PLEKHA7: variants seen among roughly 807,000 people sequenced by gnomAD.
The protein encoded by PLEKHA7 is pleckstrin homology domain-containing family A member 7.
A neutral mutation model predicts 170.0 loss-of-function variants in PLEKHA7; 104 were observed. The ratio of observed to expected loss-of-function variants is 0.61; its 90% CI spans 0.52 to 0.72. The LOEUF (loss-of-function observed/expected upper bound fraction) is 0.72. Ranked by LOEUF, PLEKHA7 falls within the 30% of genes least tolerant of loss-of-function variation. The pLI is 0.00. For missense variants in PLEKHA7, 1,615 were observed against 1,671.7 expected, an observed-to-expected ratio of 0.97 and a Z score of 0.59; for synonymous variants, 648 against 660.8, an observed-to-expected ratio of 0.98 and a Z score of 0.30.
intron 12 of PLEKHA7, 56 bp from the exon 13 acceptor site, chr11:16,813,222 A>G: frequency 1.3e-6 from 2 of 1,487,150 alleles, no homozygotes; most frequent in Non-Finnish European, 1.9e-6. Flanking sequence ...AGTTTCCATA[A>G]CTCGAGGTTT....
At position 16,981,300 on chromosome 11, in the gene PLEKHA7, G is replaced by A. The variant is rs190579634; in HGVS notation, c.221+32689C>T. ...AATTTAATTCTCACAATGATTCTAC[G>A]AGTAGACACTAGTATTATCCCCAAT... On this transcript the variant is annotated intron_variant, in intron 3 of 26. Coordinates refer to ENST00000531066, the MANE Select transcript of PLEKHA7 (RefSeq NM_001329630.2). Among the ~76,000 whole-genome samples, 576 of 152,172 alleles carry A rather than the reference G, an allele frequency of 3.8e-3. 7 individuals carry two copies. Among genetic ancestry groups the A allele is most frequent in the Non-Finnish European group, 3.3e-3 (225 of 68,018 alleles).
At position 16,855,013 on chromosome 11, in the gene PLEKHA7, A is replaced by C; in HGVS notation, c.418-20T>G. ...TATGATCTATGAAAAAGCAGACTGA[A>C]CTTTAGCAACAGGGAATTTAAGGTG... On this transcript the variant is annotated intron_variant, in intron 5 of 26. Transcript: ENST00000531066. 1 of 1,604,370 alleles carries C rather than the reference A, an allele frequency of 6.2e-7. No homozygotes were observed. Among genetic ancestry groups the C allele is most frequent in the Non-Finnish European group, 8.5e-7 (1 of 1,171,232 alleles).
At chr11:16,788,203 A>G (rs1849534354) in intron 23 of PLEKHA7, 1 of 152,456 alleles carries the variant, frequency 6.6e-6, no homozygotes, top group African/African-American at 2.4e-5. Flanking sequence ...GGACAAGTGA[A>G]TTATGAGTCA....
intron 3 of PLEKHA7, among the ~76,000 whole-genome samples, chr11:16,985,639 T>C (rs1027182785): frequency 1.3e-5 from 2 of 152,234 alleles, no homozygotes; most frequent in Non-Finnish European, 2.9e-5. Flanking sequence ...CATTTTAAGT[T>C]TTCTTGCTTG....
chr11:16,830,164 TG>T (rs1282663640), intron 9 of PLEKHA7, among the ~76,000 whole-genome samples: 1 of 150,306 alleles, frequency 6.7e-6, no homozygotes, highest in Non-Finnish European at 1.5e-5. Flanking sequence ...TTTTTTTTTT[TG>T]TAGAGACAAG....
At chr11:16,914,038 T>C (rs546246479) in intron 3 of PLEKHA7, among the ~76,000 whole-genome samples, 3 of 152,358 alleles carry the variant, frequency 2.0e-5, no homozygotes, top group East Asian at 3.9e-4. Context: ...AAGAATATTA[T>C]GGCATGTGTG....
At chr11:16,865,798 T>A (rs1476338487) in intron 4 of PLEKHA7, among the ~76,000 whole-genome samples, 1 of 152,174 alleles carries the variant, frequency 6.6e-6, no homozygotes, top group East Asian at 1.9e-4. Context: ...GACTGTGGTT[T>A]ATTAAGGGTA....
At position 16,814,111 on chromosome 11, in the gene PLEKHA7, C is replaced by T. The variant is rs74669248; in HGVS notation, c.1954-945G>A. 6.8e-4 allele frequency among the ~76,000 whole-genome samples: 103 copies of T among 152,280 alleles called. No homozygotes were observed. In the East Asian group the frequency reaches 0.016, roughly 23 times the overall value. Reference sequence around the variant, plus strand: ...GAAGAGTTGAGGCAGGGCTCTTATGCATGGGAATGCCTGAAGGACAACTGT... The same window carrying T: ...GAAGAGTTGAGGCAGGGCTCTTATGTATGGGAATGCCTGAAGGACAACTGT... On this transcript the variant is annotated intron_variant, in intron 12 of 26. Transcript: ENST00000531066.
At chr11:16,985,927 G>A (rs1161445005) in intron 3 of PLEKHA7, among the ~76,000 whole-genome samples, 2 of 152,228 alleles carry the variant, frequency 1.3e-5, no homozygotes, top group African/African-American at 4.8e-5. Context: ...CTAACTAAAT[G>A]AATGAAAGCA....
intron 3 of PLEKHA7, among the ~76,000 whole-genome samples, chr11:16,921,571 TAGGTCTTC>T (rs1442946537): frequency 6.6e-6 from 1 of 152,256 alleles, no homozygotes; most frequent in African/African-American, 2.4e-5. Context: ...CTTTGGGAGA[TAGGTCTTC>T]AGATGCATGA....
intron 3 of PLEKHA7, among the ~76,000 whole-genome samples, chr11:17,006,455 C>T (rs1469445647): frequency 2.2e-5 from 3 of 133,474 alleles, no homozygotes; most frequent in Non-Finnish European, 3.2e-5. Context: ...GGTGAAACCC[C>T]ATCTGTACTA....
intron 3 of PLEKHA7, among the ~76,000 whole-genome samples, chr11:16,916,989 C>A (rs1329126406): frequency 1.3e-5 from 2 of 152,072 alleles, no homozygotes; most frequent in Admixed American, 6.5e-5. Flanking sequence ...GAGGCCGAGG[C>A]GGGTGGATCA....
intron 10 of PLEKHA7, among the ~76,000 whole-genome samples, chr11:16,824,639 T>C (rs1447831748): frequency 1.3e-5 from 2 of 152,242 alleles, no homozygotes; most frequent in Non-Finnish European, 2.9e-5. Flanking sequence ...GGTTTATTCA[T>C]CCTATTTCCA....
intron 3 of PLEKHA7, among the ~76,000 whole-genome samples, chr11:16,949,993 G>C (rs113193652): frequency 6.6e-6 from 1 of 150,934 alleles, no homozygotes; most frequent in Non-Finnish European, 1.5e-5. Context: ...TTGGTGAGTA[G>C]GAGGCCAAGC....
At chr11:16,826,672 G>A (rs1850681676) in intron 9 of PLEKHA7, 82 bp from the exon 10 acceptor site, 2 of 1,259,598 alleles carry the variant, frequency 1.6e-6, no homozygotes, top group Middle Eastern at 2.3e-4. Flanking sequence ...TCACCTGCAG[G>A]CCTTTGCACA....
In PLEKHA7 at chr11:16,783,766, C is replaced by T; in HGVS notation, c.3584G>A (p.Ser1195Asn). ...YVELDPEEPPSLEELQARYRK... is the reference protein window; with the variant it reads ...YVELDPEEPPNLEELQARYRK... Reference sequence around the variant, plus strand: ...GTACCGCGCCTGCAGCTCCTCAAGGCTGGGTGGCTCTTCGGGATCTAGCTC... The same window carrying T: ...GTACCGCGCCTGCAGCTCCTCAAGGTTGGGTGGCTCTTCGGGATCTAGCTC... Residue 1195 changes from serine to asparagine, a missense_variant, in exon 25 of 27, where the codon AGC becomes AAC. Ser to Asn is a conservative substitution (Grantham distance 46). Coordinates refer to ENST00000531066, the MANE Select transcript of PLEKHA7 (RefSeq NM_001329630.2). 1 of 1,515,632 alleles carries T rather than the reference C, an allele frequency of 6.6e-7. No homozygotes were observed. Among genetic ancestry groups the T allele is most frequent in the African/African-American group, 1.4e-5 (1 of 72,054 alleles). The allele number at this position is 1,515,632 out of a possible 1,614,324, so 93.9% of individuals were successfully genotyped here.
At chr11:16,960,347 A>C (rs1216681187) in intron 3 of PLEKHA7, among the ~76,000 whole-genome samples, 1 of 152,190 alleles carries the variant, frequency 6.6e-6, no homozygotes, top group Non-Finnish European at 1.5e-5. Context: ...CAGAAGCCTG[A>C]GCTGGGCCAG....
At chr11:16,864,997 C>T (rs1854269496) in intron 4 of PLEKHA7, among the ~76,000 whole-genome samples, 1 of 152,156 alleles carries the variant, frequency 6.6e-6, no homozygotes, top group African/African-American at 2.4e-5. Context: ...TTACCACATC[C>T]TCCATCTTCT....
intron 10 of PLEKHA7, among the ~76,000 whole-genome samples, chr11:16,822,357 T>C (rs1850290067): frequency 6.6e-6 from 1 of 151,722 alleles, no homozygotes. Flanking sequence ...GTAATTCAGG[T>C]TTGCCCATCT....
Sources: gnomAD v4.1 joint callset for allele counts (sites outside exome capture counted in the v4.1 genomes callset) on GRCh38, gnomAD v4.1.1 for gene constraint, MANE v1.5 for transcripts, NCBI Gene and HGNC (gene_info 2026-07-23, HGNC 2026-07-21) for gene names.